The following PRIMPOL variants were observed in gnomAD, a reference collection of about 807,000 sequenced individuals.
PRIMPOL encodes the protein DNA-directed primase/polymerase protein.
PRIMPOL carries 54 observed loss-of-function variants against 63.6 expected under a neutral mutation model. That is an observed-to-expected ratio of 0.85 (90% CI 0.68 to 1.07). The LOEUF (loss-of-function observed/expected upper bound fraction) is 1.07, where lower values mean the gene tolerates loss of function less well. Ranked by LOEUF, PRIMPOL falls within the 50% of genes least tolerant of loss-of-function variation. PRIMPOL has a pLI of 0.00. For synonymous variants in PRIMPOL, 197 were observed against 220.2 expected, an observed-to-expected ratio of 0.89 and a Z score of 0.93; for missense variants, 610 against 648.3, an observed-to-expected ratio of 0.94 and a Z score of 0.64.
In PRIMPOL at chr4:184,659,347, A is replaced by G. The variant is rs763298866; in HGVS notation, c.188A>G (p.His63Arg). 5 of 1,612,224 alleles carry G rather than the reference A, an allele frequency of 3.1e-6. No individual in the cohort carries two copies. In the African/African-American group the frequency reaches 6.7e-5, roughly 22 times the overall value. The change falls in exon 4 of 14, where the codon CAT becomes CGT. Residue 63 changes from histidine to arginine, a missense_variant. Coordinates refer to ENST00000314970, the MANE Select transcript of PRIMPOL (RefSeq NM_152683.4). ...NFVKSCKEDV[H>R]VFALECKVGD... ...TTTTTTGATTTTATGCAGGACGTTCATGTATTTGCTTTGGAATGCAAAGTA... is the reference window on the plus strand; with the variant it reads ...TTTTTTGATTTTATGCAGGACGTTCGTGTATTTGCTTTGGAATGCAAAGTA...
At chr4:184,672,149 AATG>A (rs1215114745) in intron 6 of PRIMPOL, 21 bp from the exon 7 acceptor site, 3 of 1,589,434 alleles carry the variant, frequency 1.9e-6, no homozygotes, top group Non-Finnish European at 2.6e-6. Flanking sequence ...GATCCAGGTG[AATG>A]ATAATAGCTT....
At chr4:184,686,047 A>G (rs1465898174) in intron 11 of PRIMPOL, among the ~76,000 whole-genome samples, 1 of 152,034 alleles carries the variant, frequency 6.6e-6, no homozygotes, top group African/African-American at 2.4e-5. Context: ...TGATCCACCC[A>G]CCTCAGCCTC....
intron 6 of PRIMPOL, among the ~76,000 whole-genome samples, chr4:184,667,269 T>C (rs1029525727): frequency 2.5e-4 from 38 of 151,734 alleles, no homozygotes; most frequent in African/African-American, 9.2e-4. Flanking sequence ...CAGTCACCCA[T>C]CCAAACCCAA....
chr4:184,659,213 T>C (rs1747552346), intron 3 of PRIMPOL, 127 bp from the exon 4 acceptor site: 1 of 682,998 alleles, frequency 1.5e-6, no homozygotes, highest in Non-Finnish European at 2.6e-6. Flanking sequence ...TTTTTAATAA[T>C]ACAAATGTTC....
intron 11 of PRIMPOL, among the ~76,000 whole-genome samples, chr4:184,686,875 CGAA>C (rs1757105836): frequency 6.6e-6 from 1 of 152,078 alleles, no homozygotes. Flanking sequence ...GTAGAAAACA[CGAA>C]GGAGATACAG....
intron 6 of PRIMPOL, among the ~76,000 whole-genome samples, chr4:184,670,631 C>G (rs1188662315): frequency 6.6e-6 from 1 of 151,296 alleles, no homozygotes; most frequent in South Asian, 2.1e-4. Flanking sequence ...TCACTGCAAC[C>G]TCCACCTCCC....
At position 184,694,717 on chromosome 4, in the gene PRIMPOL, A is replaced by C. The variant is rs750199085; in HGVS notation, c.1621A>C (p.Ser541Arg). 3 of 1,611,478 alleles carry C rather than the reference A, an allele frequency of 1.9e-6. No individual in the cohort carries two copies. Among genetic ancestry groups the C allele is most frequent in the Admixed American group, 1.7e-5 (1 of 60,004 alleles). ...LAEAAENSLL[S>R]YNSEVDEIPD... ...TGAAGCTGCAGAGAACAGTCTTCTC[A>C]GTTATAACAGTGAAGTGGATGAAAT... The change falls in exon 14 of 14, where the codon AGT becomes CGT. Residue 541 changes from serine (S) to arginine (R), a missense_variant. Physicochemically the swap from Ser to Arg is moderately radical, Grantham distance 110. Around this residue, in one of 3 missense-constraint regions of PRIMPOL, gnomAD observed 444 missense variants for 456.4 expected, o/e 0.97. Coordinates refer to ENST00000314970, the MANE Select transcript of PRIMPOL (RefSeq NM_152683.4).
intron 8 of PRIMPOL, among the ~76,000 whole-genome samples, chr4:184,679,029 A>G (rs534776252): frequency 8.5e-4 from 130 of 152,328 alleles, no homozygotes; most frequent in African/African-American, 2.9e-3. Flanking sequence ...ATATTTTACT[A>G]TTAAAATGTC....
chr4:184,673,353 T>C (rs1426953224), intron 7 of PRIMPOL, among the ~76,000 whole-genome samples: 2 of 151,398 alleles, frequency 1.3e-5, no homozygotes, highest in Admixed American at 6.6e-5. Context: ...ATGGTCTCGA[T>C]CTCCTGACGT....
intron 9 of PRIMPOL, among the ~76,000 whole-genome samples, chr4:184,684,184 A>G (rs1175531051): frequency 6.6e-6 from 1 of 152,128 alleles, no homozygotes; most frequent in Non-Finnish European, 1.5e-5. Context: ...CTGGCTGGGT[A>G]CGGTGGCTCA....
rs1746781857 is a variant in PRIMPOL at position 184,657,427 on chromosome 4, G to A, written c.180+107G>A. 7.3e-6 allele frequency: 7 copies of A among 953,736 alleles called. No individual in the cohort carries two copies. In the South Asian group the frequency reaches 1.4e-4, roughly 19 times the overall value. The allele number at this position is 953,736 out of a possible 1,614,324, so 59.1% of individuals were successfully genotyped here. A position where few individuals can be genotyped will look rare whatever the true frequency, so the allele number is the denominator to read the frequency against. ...CTTTAAAAAAAAAAGTCTATTATTTGTCTTCATTTCAGGCCATGTATTCTA... is the reference window on the plus strand; with the variant it reads ...CTTTAAAAAAAAAAGTCTATTATTTATCTTCATTTCAGGCCATGTATTCTA... On this transcript the variant is annotated intron_variant, in intron 3 of 13. Coordinates refer to ENST00000314970, the MANE Select transcript of PRIMPOL (RefSeq NM_152683.4).
intron 6 of PRIMPOL, 85 bp downstream of exon 6, chr4:184,666,149 T>C: frequency 9.4e-7 from 1 of 1,063,652 alleles, no homozygotes; most frequent in African/African-American, 1.6e-5. Flanking sequence ...TGTGTACTTA[T>C]CAAGTTTTAT....
chr4:184,671,978 G>A (rs1477045379), intron 6 of PRIMPOL, among the ~76,000 whole-genome samples, 195 bp from the exon 7 acceptor site: 1 of 151,928 alleles, frequency 6.6e-6, no homozygotes, highest in Non-Finnish European at 1.5e-5. Flanking sequence ...CCGACCTTGT[G>A]ATCCGCCCGC....
Position 184,692,668 on chromosome 4 carries a change from C to CTAAAG in PRIMPOL, c.1425+959_1425+963dup, listed in dbSNP as rs369824649. Among the ~76,000 whole-genome samples, 709 of 150,584 alleles carry CTAAAG rather than the reference C, an allele frequency of 4.7e-3. 4 individuals carry two copies. Among genetic ancestry groups the CTAAAG allele is most frequent in the African/African-American group, 0.016 (649 of 41,100 alleles). On this transcript the variant is annotated intron_variant, in intron 13 of 13. Transcript: ENST00000314970. The stretch of plus-strand genomic sequence containing the variant: ...CACACATACTATTTCAGTTTTTTTT[C>CTAAAG]TAAAGTATCACAAATATTTTTAGTA...
At chr4:184,681,199 G>A (rs940496795) in intron 8 of PRIMPOL, among the ~76,000 whole-genome samples, 10 of 152,002 alleles carry the variant, frequency 6.6e-5, no homozygotes, top group African/African-American at 9.7e-5. Context: ...TTTTCTTTCC[G>A]TTAATTTTAA....
At chr4:184,657,496 A>G in intron 3 of PRIMPOL, 176 bp downstream of exon 3, 1 of 535,004 alleles carries the variant, frequency 1.9e-6, no homozygotes. Context: ...TGATTTAGGA[A>G]AAATATTCCT....
intron 1 of PRIMPOL, among the ~76,000 whole-genome samples, chr4:184,650,905 A>C (rs999268125): frequency 1.3e-5 from 2 of 152,202 alleles, no homozygotes; most frequent in Non-Finnish European, 2.9e-5. Flanking sequence ...CATTTTCATA[A>C]TACATTTGTT....
In PRIMPOL at chr4:184,679,520, C is replaced by T. The variant is rs183509610; in HGVS notation, c.1007+1126C>T. On this transcript the variant is annotated intron_variant, in intron 8 of 13. Coordinates refer to ENST00000314970, the MANE Select transcript of PRIMPOL (RefSeq NM_152683.4). ...TGAAAGTCATCTTTCAACAGAAATA[C>T]TATAGTAAGTCTTCATTTGATGTTG... is the stretch of plus-strand genomic sequence containing the variant. 2.6e-3 allele frequency among the ~76,000 whole-genome samples: 393 copies of T among 152,232 alleles called. 4 individuals are homozygous for T. The highest frequency in any genetic ancestry group is 8.7e-3 in the African/African-American group (360 of 41,556).
chr4:184,685,798 A>G (rs767337879), intron 11 of PRIMPOL, 114 bp downstream of exon 11: 79 of 563,338 alleles, frequency 1.4e-4, no homozygotes, highest in Admixed American at 2.4e-4. Context: ...ATTTAGTTGT[A>G]TTAAATTTCT....
Sources: gnomAD v4.1 joint callset for allele counts (sites outside exome capture counted in the v4.1 genomes callset) on GRCh38, gnomAD v4.1.1 for gene constraint, gnomAD v4.1.1 regional missense constraint, MANE v1.5 for transcripts, NCBI Gene and HGNC (gene_info 2026-07-23, HGNC 2026-07-21) for gene names.